The following MEPE variants were observed in gnomAD, a reference collection of about 807,000 sequenced individuals.
MEPE encodes matrix extracellular phosphoglycoprotein, also known as matrix, extracellular phosphoglycoprotein with ASARM motif (bone).
In MEPE, 7 loss-of-function variants were observed where a neutral mutation model predicts 7.3. The ratio of observed to expected loss-of-function variants is 0.95; its 90% CI spans 0.54 to 1.79. MEPE has a LOEUF of 1.79. Ranked by LOEUF, MEPE falls within the 40% of genes most tolerant of loss-of-function variation. The probability of loss-of-function intolerance (pLI) is 0.00; values close to 1 mark genes in which losing one functional copy is unlikely to be tolerated. For synonymous variants in MEPE, 214 were observed against 213.1 expected (o/e 1.00, Z -0.04); for missense variants, 623 against 628.2 (o/e 0.99, Z 0.09).
chr4:87,846,709 T>TA lies in MEPE; in HGVS notation c.*268dup, dbSNP rs1162127115. Reference sequence around the variant, plus strand: ...AGGTAACATTTGAGTAGGTGTCATTTAAAAATAGTTGGTGAATGTCACAAA... The same window carrying TA: ...AGGTAACATTTGAGTAGGTGTCATTTAAAAAATAGTTGGTGAATGTCACAAA... On this transcript the variant is annotated 3_prime_UTR_variant, in exon 4 of 4. Transcript: ENST00000361056. 8 of 383,384 alleles carry TA rather than the reference T, an allele frequency of 2.1e-5. No homozygotes were observed. Among genetic ancestry groups the TA allele is most frequent in the Non-Finnish European group, 1.4e-5 (3 of 215,422 alleles). 23.7% of individuals were successfully genotyped at this position (383,384 alleles called of 1,614,324 possible).
chr4:87,832,456 T>C (rs893435009), upstream of MEPE, among the ~76,000 whole-genome samples: 4 of 152,178 alleles, frequency 2.6e-5, no homozygotes, highest in African/African-American at 9.7e-5. Context: ...TCTATTTAAC[T>C]CATTTATCTT....
intron 1 of MEPE, among the ~76,000 whole-genome samples, chr4:87,834,036 A>G (rs1722684996): frequency 6.6e-6 from 1 of 152,226 alleles, no homozygotes; most frequent in Non-Finnish European, 1.5e-5. Context: ...CCTAATCTAT[A>G]CAACAGGCAT....
At chr4:87,821,756 C>T (rs761588032) in intron 1 of MEPE, among the ~76,000 whole-genome samples, 6 of 152,070 alleles carry the variant, frequency 3.9e-5, no homozygotes, top group Admixed American at 6.6e-5. Flanking sequence ...CCTGAGGCCC[C>T]GTAAGCCTGC....
intron 3 of MEPE, among the ~76,000 whole-genome samples, chr4:87,844,214 T>C (rs1232960416): frequency 1.3e-5 from 2 of 152,122 alleles, no homozygotes; most frequent in Non-Finnish European, 2.9e-5. Flanking sequence ...TACAGAGAAA[T>C]AGCGAGTGGC....
chr4:87,833,727 T>G lies in MEPE; in HGVS notation c.-13+713T>G, dbSNP rs77584467. ...CAATCTAATGGCTACTTAAGTGAGC[T>G]CACTAGTTCCTGTTGGTATATTTAC... On this transcript the variant is annotated intron_variant, in intron 1 of 3. Transcript: ENST00000361056. Among the ~76,000 whole-genome samples the G allele has an allele frequency of 3.0e-3, 459 of 152,310 alleles. 1 individual carries two copies. The highest frequency in any genetic ancestry group is 0.01 in the African/African-American group (433 of 41,568).
Position 87,846,211 on chromosome 4 carries a change from A to G in MEPE, c.1343A>G (p.Lys448Arg). Residue 448 changes from lysine to arginine, a missense_variant, in exon 4 of 4, where the codon AAA (lysine) becomes AGA (arginine). Lys to Arg is a conservative substitution (Grantham distance 26). Coordinates refer to ENST00000361056, the MANE Select transcript of MEPE (RefSeq NM_020203.6). ...IPSRGLDNEIKNEMDSFNGPS... is the reference protein window; with the variant it reads ...IPSRGLDNEIRNEMDSFNGPS... The stretch of plus-strand genomic sequence containing the variant: ...TCTCGTGGTCTTGATAATGAAATCA[A>G]AAACGAAATGGATTCCTTTAATGGC... The G allele has an allele frequency of 6.2e-7, 1 of 1,614,086 alleles. No individual in the cohort carries two copies. Among genetic ancestry groups the G allele is most frequent in the Non-Finnish European group, 8.5e-7 (1 of 1,179,982 alleles).
chr4:87,837,190 G>A (rs919049137), intron 2 of MEPE, among the ~76,000 whole-genome samples: 14 of 152,200 alleles, frequency 9.2e-5, no homozygotes, highest in South Asian at 4.1e-4. Context: ...CCCAAGGATC[G>A]AAGCTATTAC....
chr4:87,846,488 G>A lies in MEPE; in HGVS notation c.*42G>A, dbSNP rs779077375. Reference sequence around the variant, plus strand: ...AGCGGGGTGACAGTCTGAAGACCTCGTCACCTGTGAGTTGATGTAGAGGAG... The same window carrying A: ...AGCGGGGTGACAGTCTGAAGACCTCATCACCTGTGAGTTGATGTAGAGGAG... On this transcript the variant is annotated 3_prime_UTR_variant, in exon 4 of 4. Transcript: ENST00000361056. The A allele has an allele frequency of 7.0e-6, 11 of 1,575,694 alleles. No individual in the cohort carries two copies. Among genetic ancestry groups the A allele is most frequent in the South Asian group, 4.8e-5 (4 of 83,602 alleles).
intron 3 of MEPE, among the ~76,000 whole-genome samples, chr4:87,842,461 A>G (rs1426744094): frequency 6.6e-6 from 1 of 152,210 alleles, no homozygotes; most frequent in African/African-American, 2.4e-5. Flanking sequence ...ATTAAGTTGT[A>G]TTAGTAAAAA....
At chr4:87,829,054 T>TA (rs1722537365), upstream of MEPE, among the ~76,000 whole-genome samples, 1 of 152,154 alleles carries the variant, frequency 6.6e-6, no homozygotes, top group Admixed American at 6.6e-5. Context: ...TTAGGAAACT[T>TA]ATATTGAGTT....
In MEPE at chr4:87,845,277, C is replaced by T. The variant is rs865947930; in HGVS notation, c.409C>T (p.His137Tyr). The change falls in exon 4 of 4, where the codon CAT (histidine) becomes TAT (tyrosine). Residue 137 changes from histidine (H) to tyrosine (Y), a missense_variant. Coordinates refer to ENST00000361056, the MANE Select transcript of MEPE (RefSeq NM_020203.6). ...EDGDDAISKL[H>Y]DQEEYGAALI... ...TGGAGATGATGCTATCAGCAAACTA[C>T]ATGACCAAGAAGAATATGGCGCAGC... 4.3e-6 allele frequency: 7 copies of T among 1,613,970 alleles called. No homozygotes were observed. Among genetic ancestry groups the T allele is most frequent in the Non-Finnish European group, 1.7e-6 (2 of 1,179,952 alleles).
At chr4:87,825,103 T>C (rs1020354889) in intron 1 of MEPE, among the ~76,000 whole-genome samples, 4 of 152,220 alleles carry the variant, frequency 2.6e-5, no homozygotes, top group Non-Finnish European at 5.9e-5. Flanking sequence ...CTGCAGCTAT[T>C]TGATGAGATG....
rs1723289107 is a variant in MEPE at position 87,846,777 on chromosome 4, TA to T, written c.*332del. On this transcript the variant is annotated 3_prime_UTR_variant, in exon 4 of 4. Transcript: ENST00000361056. ...GCTCTGTAGACATGAAAATAAACAA[TA>T]TCTCTCGATGATAATTTGTATTAAG... is the stretch of plus-strand genomic sequence containing the variant. The T allele has an allele frequency of 2.8e-5, 6 of 213,634 alleles. No homozygotes were observed. In the Admixed American group the frequency reaches 3.2e-4, roughly 11 times the overall value. The allele number at this position is 213,634 out of a possible 1,614,324, so 13.2% of individuals were successfully genotyped here.
Position 87,846,001 on chromosome 4 carries a change from C to A in MEPE, c.1133C>A (p.Pro378His). The change falls in exon 4 of 4, where the codon CCC becomes CAC. Residue 378 changes from proline (P) to histidine (H), a missense_variant. Transcript: ENST00000361056. ...GKVEFHYPPA[P>H]SKEKRKEGSS... ...GTTGAGTTTCATTACCCTCCTGCAC[C>A]CTCAAAAGAGAAAAGAAAAGAAGGC... The A allele has an allele frequency of 1.2e-6, 2 of 1,613,874 alleles. No individual in the cohort carries two copies. The highest frequency in any genetic ancestry group is 1.7e-6 in the Non-Finnish European group (2 of 1,179,926).
Position 87,845,837 on chromosome 4 carries a change from T to C in MEPE, c.969T>C (p.Thr323=). 6.2e-7 allele frequency: 1 copy of C among 1,614,008 alleles called. No individual in the cohort carries two copies. Among genetic ancestry groups the C allele is most frequent in the Non-Finnish European group, 8.5e-7 (1 of 1,179,958 alleles). The change falls in exon 4 of 4, where the codon ACT becomes ACC. Residue 323 remains threonine (T), a synonymous_variant. Transcript: ENST00000361056. Reference sequence around the variant, plus strand: ...ATACCATTGGAACTAGGGATGAAACTGCGAAAGAGGCAGATGCTGTTGATG... The same window carrying C: ...ATACCATTGGAACTAGGGATGAAACCGCGAAAGAGGCAGATGCTGTTGATG... ...GGNTIGTRDE[T]AKEADAVDVS...
rs758400109 is a variant in MEPE, at chr4:87,845,555, C to CA, written c.694dup (p.Ile232AsnfsTer4). The stretch of plus-strand genomic sequence containing the variant: ...ACTACCTAAAACATCTCTCAAAAGT[C>CA]AAAAAAATCCCCAGTGATTTTGAAG... On this transcript the variant is annotated frameshift_variant, in exon 4 of 4. Transcript: ENST00000361056. LOFTEE classifies it low-confidence loss of function (END_TRUNC). The CA allele has an allele frequency of 6.2e-7, 1 of 1,610,560 alleles. No homozygotes were observed. The highest frequency in any genetic ancestry group is 1.1e-5 in the South Asian group (1 of 90,280).
intron 1 of MEPE, among the ~76,000 whole-genome samples, chr4:87,822,004 C>T (rs2109985531): frequency 6.6e-6 from 1 of 152,290 alleles, no homozygotes; most frequent in East Asian, 1.9e-4. Context: ...GCCTAACCAA[C>T]TAGCCCACAC....
Position 87,846,278 on chromosome 4 carries a change from T to C in MEPE, c.1410T>C (p.His470=). 6.2e-7 allele frequency: 1 copy of C among 1,614,022 alleles called. No individual in the cohort carries two copies. The highest frequency in any genetic ancestry group is 2.2e-5 in the East Asian group (1 of 44,882). ...ENIITHGRKY[H]YVPHRQNNST... ...TAATAACACATGGCAGAAAATATCATTATGTACCCCACAGACAAAATAATT... is the reference window on the plus strand; with the variant it reads ...TAATAACACATGGCAGAAAATATCACTATGTACCCCACAGACAAAATAATT... Residue 470 remains histidine (H), a synonymous_variant, in exon 4 of 4, where the codon CAT becomes CAC. Transcript: ENST00000361056.
chr4:87,831,167 C>CCCA (rs1578053424), upstream of MEPE, among the ~76,000 whole-genome samples: 1 of 152,090 alleles, frequency 6.6e-6, no homozygotes, highest in East Asian at 1.9e-4. Context: ...CAAACTATTA[C>CCCA]AATTATTTTG....
Sources: gnomAD v4.1 joint callset for allele counts (sites outside exome capture counted in the v4.1 genomes callset) on GRCh38, gnomAD v4.1.1 for gene constraint, MANE v1.5 for transcripts, NCBI Gene and HGNC (gene_info 2026-07-23, HGNC 2026-07-21) for gene names.